Variants in VAV3 observed in about 807,000 individuals in gnomAD.
VAV3 encodes vav guanine nucleotide exchange factor 3, also known as guanine nucleotide exchange factor VAV3.
A neutral mutation model predicts 131.2 loss-of-function variants in VAV3; 94 were observed. The observed-to-expected ratio is 0.72, with a 90% CI of 0.61 to 0.85. The LOEUF is 0.85. Ranked by LOEUF, VAV3 falls within the 40% of genes least tolerant of loss-of-function variation. The pLI is 0.00. For synonymous variants in VAV3, 349 were observed against 342.0 expected (o/e 1.02, Z -0.22); for missense variants, 939 against 1,002.7 (o/e 0.94, Z 0.86).
chr1:107,902,872 A>C (rs1033809142), intron 1 of VAV3, among the ~76,000 whole-genome samples: 1 of 152,230 alleles, frequency 6.6e-6, no homozygotes, highest in South Asian at 2.1e-4. Flanking sequence ...GCCATAACAC[A>C]TAGAGAACCT....
At chr1:107,894,697 T>C (rs1265503113) in intron 1 of VAV3, among the ~76,000 whole-genome samples, 1 of 152,192 alleles carries the variant, frequency 6.6e-6, no homozygotes, top group Non-Finnish European at 1.5e-5. Flanking sequence ...TTATAGGGTG[T>C]TACCTGCAAA....
At chr1:107,962,932 G>A (rs72985489) in intron 1 of VAV3, among the ~76,000 whole-genome samples, 16,876 of 152,100 alleles carry the variant, frequency 0.11, 1,747 homozygotes, top group African/African-American at 0.27. Context: ...CCCCACTAGG[G>A]AACAGAACTC....
chr1:107,607,972 G>A (rs1652426094), intron 22 of VAV3, among the ~76,000 whole-genome samples: 1 of 152,072 alleles, frequency 6.6e-6, no homozygotes, highest in East Asian at 1.9e-4. Context: ...TGGGGGAGTT[G>A]ATCATTTTGT....
At chr1:107,937,029 A>G (rs1346987107) in intron 1 of VAV3, among the ~76,000 whole-genome samples, 1 of 152,132 alleles carries the variant, frequency 6.6e-6, no homozygotes, top group Non-Finnish European at 1.5e-5. Context: ...GCCACACCTT[A>G]CACACAGTCA....
At chr1:107,866,438 G>T (rs1011055549) in intron 2 of VAV3, among the ~76,000 whole-genome samples, 1 of 152,048 alleles carries the variant, frequency 6.6e-6, no homozygotes, top group Non-Finnish European at 1.5e-5. Flanking sequence ...ATTCAAAACT[G>T]ATGGCAAGAA....
chr1:107,786,483 C>T (rs1398146915), intron 2 of VAV3, among the ~76,000 whole-genome samples: 1 of 152,198 alleles, frequency 6.6e-6, no homozygotes, highest in Non-Finnish European at 1.5e-5. Context: ...ACAATTAAAA[C>T]ATCACTTATC....
chr1:107,636,475 TAA>T (rs756219086), intron 20 of VAV3, among the ~76,000 whole-genome samples: 117 of 152,314 alleles, frequency 7.7e-4, no homozygotes, highest in Non-Finnish European at 9.4e-4. Context: ...GAAAATATCA[TAA>T]GTCAAAAATG....
At chr1:107,679,300 C>G (rs1658439831) in intron 19 of VAV3, among the ~76,000 whole-genome samples, 1 of 152,158 alleles carries the variant, frequency 6.6e-6, no homozygotes. Flanking sequence ...CAATGAGCAT[C>G]TGAGAAACAA....
At chr1:107,627,234 C>G (rs1300072559) in intron 20 of VAV3, among the ~76,000 whole-genome samples, 1 of 152,196 alleles carries the variant, frequency 6.6e-6, no homozygotes, top group Admixed American at 6.5e-5. Flanking sequence ...CCTTCCCCAT[C>G]TCCATCACTC....
intron 2 of VAV3, among the ~76,000 whole-genome samples, chr1:107,797,262 A>C (rs544312193): frequency 6.6e-6 from 1 of 152,342 alleles, no homozygotes; most frequent in Admixed American, 6.5e-5. Context: ...CAGCTTTCTT[A>C]TAACACTAGT....
chr1:107,747,634 A>G (rs1240148132), intron 15 of VAV3, among the ~76,000 whole-genome samples: 1 of 152,138 alleles, frequency 6.6e-6, no homozygotes, highest in Non-Finnish European at 1.5e-5. Context: ...CTATTGTACT[A>G]TTTGGCTAGC....
At chr1:107,592,810 T>C (rs1370650726) in intron 25 of VAV3, among the ~76,000 whole-genome samples, 2 of 152,160 alleles carry the variant, frequency 1.3e-5, no homozygotes, top group Non-Finnish European at 2.9e-5. Flanking sequence ...TATGTGTTCA[T>C]TGTAGAGCAA....
chr1:107,814,180 A>G (rs543495527), intron 2 of VAV3, among the ~76,000 whole-genome samples: 13 of 152,228 alleles, frequency 8.5e-5, no homozygotes, highest in African/African-American at 3.1e-4. Flanking sequence ...GTCAGTAGCG[A>G]AAACTGCTGG....
At chr1:107,949,205 T>A (rs1674416958) in intron 1 of VAV3, among the ~76,000 whole-genome samples, 1 of 152,254 alleles carries the variant, frequency 6.6e-6, no homozygotes, top group South Asian at 2.1e-4. Flanking sequence ...TGCATTTATA[T>A]GTAGTTTAAG....
chr1:107,610,328 G>C (rs1329207707), intron 21 of VAV3, among the ~76,000 whole-genome samples: 3 of 151,896 alleles, frequency 2.0e-5, no homozygotes, highest in Non-Finnish European at 2.9e-5. Context: ...ACTTTTCCAA[G>C]ACCTTGGAAA....
chr1:107,821,334 G>C (rs1438745726), intron 2 of VAV3, among the ~76,000 whole-genome samples: 2 of 152,142 alleles, frequency 1.3e-5, no homozygotes, highest in African/African-American at 4.8e-5. Context: ...AGCCAAAAAT[G>C]GGAAAGACAG....
intron 2 of VAV3, among the ~76,000 whole-genome samples, chr1:107,815,120 C>T (rs888784741): frequency 3.3e-5 from 5 of 152,174 alleles, no homozygotes; most frequent in Admixed American, 6.5e-5. Context: ...CAGTATCTGT[C>T]GTTCACTTCG....
intron 22 of VAV3, among the ~76,000 whole-genome samples, chr1:107,607,142 G>A (rs61544976): frequency 6.6e-6 from 1 of 151,730 alleles, no homozygotes; most frequent in Admixed American, 6.6e-5. Context: ...TTTTAGTAGA[G>A]ATGGGGTTTC....
At chr1:107,834,031 C>T (rs562334038) in intron 2 of VAV3, among the ~76,000 whole-genome samples, 1 of 152,288 alleles carries the variant, frequency 6.6e-6, no homozygotes, top group South Asian at 2.1e-4. Context: ...AACACTTTCA[C>T]TCACTTTAAG....
Sources: allele counts gnomAD v4.1 joint callset (sites outside exome capture counted in the v4.1 genomes callset), GRCh38; gene constraint gnomAD v4.1.1; transcripts MANE v1.5; gene names NCBI Gene and HGNC (gene_info 2026-07-23, HGNC 2026-07-21).